NRG3: variants seen among roughly 807,000 people sequenced by gnomAD.
NRG3 encodes the protein neuregulin 3.
A neutral mutation model predicts 66.9 loss-of-function variants in NRG3; 31 were observed. That is an observed-to-expected ratio of 0.46 (90% CI 0.35 to 0.63). The LOEUF (loss-of-function observed/expected upper bound fraction) is 0.63. NRG3 is among the 20% of genes least tolerant of loss of function. The pLI, the probability that NRG3 is intolerant of heterozygous loss-of-function variation, is 0.00. For missense variants in NRG3, 910 were observed against 878.9 expected, an observed-to-expected ratio of 1.04 and a Z score of -0.45; for synonymous variants, 393 against 359.4, an observed-to-expected ratio of 1.09 and a Z score of -1.06.
intron 2 of NRG3, among the ~76,000 whole-genome samples, chr10:82,654,308 A>G (rs1451509014): frequency 6.6e-6 from 1 of 152,184 alleles, no homozygotes; most frequent in Non-Finnish European, 1.5e-5. Context: ...TTTTAAAATA[A>G]AGAGGGTTGT....
chr10:82,417,950 A>C (rs1436012342), intron 2 of NRG3, among the ~76,000 whole-genome samples: 13 of 152,234 alleles, frequency 8.5e-5, no homozygotes. Context: ...GGTAATTCAG[A>C]CTAGAATAGT....
At chr10:81,988,902 A>T (rs2060630091) in intron 1 of NRG3, among the ~76,000 whole-genome samples, 1 of 151,724 alleles carries the variant, frequency 6.6e-6, no homozygotes, top group Non-Finnish European at 1.5e-5. Context: ...GAAAAGAAAA[A>T]CCTTTGTTGA....
chr10:81,900,376 T>G (rs1311092736), intron 1 of NRG3, among the ~76,000 whole-genome samples: 2 of 152,230 alleles, frequency 1.3e-5, no homozygotes, highest in African/African-American at 4.8e-5. Flanking sequence ...TCATTTGGTA[T>G]TCATACAAAT....
intron 3 of NRG3, 146 bp downstream of exon 3, chr10:82,738,796 T>C (rs576744606): frequency 1.4e-6 from 1 of 709,258 alleles, no homozygotes; most frequent in East Asian, 2.7e-5. Flanking sequence ...GATGTTGATG[T>C]TCAAAGCATC....
At chr10:82,953,601 G>A (rs1227469204) in intron 5 of NRG3, among the ~76,000 whole-genome samples, 1 of 151,950 alleles carries the variant, frequency 6.6e-6, no homozygotes, top group South Asian at 2.1e-4. Flanking sequence ...ATTATATCGT[G>A]TCTCTTAGCC....
intron 1 of NRG3, among the ~76,000 whole-genome samples, chr10:81,901,115 G>A (rs1184301905): frequency 6.6e-6 from 1 of 152,196 alleles, no homozygotes; most frequent in African/African-American, 2.4e-5. Flanking sequence ...GAGAAAGACA[G>A]GGGCAGGGAA....
At chr10:82,839,073 A>G (rs1437127728) in intron 3 of NRG3, among the ~76,000 whole-genome samples, 2 of 152,130 alleles carry the variant, frequency 1.3e-5, no homozygotes, top group Non-Finnish European at 2.9e-5. Flanking sequence ...CTCCCACAAC[A>G]CGTGAGATTT....
chr10:81,876,039 C>T lies in NRG3; in HGVS notation c.699C>T (p.Ser233=), dbSNP rs1841602485. The T allele has an allele frequency of 6.2e-7, 1 of 1,614,028 alleles. No individual in the cohort carries two copies. Residue 233 remains serine, a synonymous_variant, in exon 1 of 9, where the codon TCC becomes TCT. Coordinates refer to ENST00000372141, the MANE Select transcript of NRG3 (RefSeq NM_001010848.4). ...SWPTAAYATS[S]YLHDSTPSWT... ...CTACTGCGGCATACGCTACCTCCTC[C>T]TACCTTCACGATTCTACTCCCTCCT...
In NRG3 at chr10:82,543,475, A is replaced by T. The variant is rs545995031; in HGVS notation, c.953+184607A>T. ...TATCTGTCCATCTGTCCATGTATCT[A>T]TCCACCAATGTCTTTATCCATCTCC... On this transcript the variant is annotated intron_variant, in intron 2 of 8. Transcript: ENST00000372141. Among the ~76,000 whole-genome samples, 3 of 152,162 alleles carry T rather than the reference A, an allele frequency of 2.0e-5. No individual in the cohort carries two copies. In the East Asian group the frequency reaches 5.8e-4, roughly 29 times the overall value.
At chr10:82,629,866 T>TTCC in intron 2 of NRG3, among the ~76,000 whole-genome samples, 1 of 152,284 alleles carries the variant, frequency 6.6e-6, no homozygotes. Context: ...ATAAAATGAT[T>TTCC]TCCTCAAGAA....
chr10:82,208,968 C>G (rs1176298696), intron 1 of NRG3, among the ~76,000 whole-genome samples: 1 of 152,066 alleles, frequency 6.6e-6, no homozygotes. Flanking sequence ...AATCTCTCTT[C>G]TTACAACTAC....
chr10:81,981,586 A>G (rs904474928), intron 1 of NRG3, among the ~76,000 whole-genome samples: 5 of 152,164 alleles, frequency 3.3e-5, no homozygotes, highest in Admixed American at 3.3e-4. Flanking sequence ...AGCCTGGTCC[A>G]CTGAAGCTAA....
chr10:81,918,868 T>C (rs7917614), intron 1 of NRG3, among the ~76,000 whole-genome samples: 61,606 of 151,180 alleles, frequency 0.41, 14,826 homozygotes, highest in East Asian at 0.81. Flanking sequence ...AATAGAATCA[T>C]TGCAATTTTC....
intron 1 of NRG3, among the ~76,000 whole-genome samples, chr10:82,234,881 A>T (rs972242696): frequency 6.6e-6 from 1 of 152,152 alleles, no homozygotes; most frequent in Non-Finnish European, 1.5e-5. Context: ...TCCACTGATA[A>T]CTTTCTTCCT....
intron 4 of NRG3, among the ~76,000 whole-genome samples, chr10:82,948,495 A>G (rs1592058847): frequency 6.6e-6 from 1 of 152,228 alleles, no homozygotes; most frequent in South Asian, 2.1e-4. Flanking sequence ...AGATTTTAAT[A>G]GCATTGCAAT....
chr10:82,276,279 A>G (rs1389616257), intron 1 of NRG3, among the ~76,000 whole-genome samples: 1 of 151,998 alleles, frequency 6.6e-6, no homozygotes, highest in African/African-American at 2.4e-5. Context: ...CTCTTTTAAA[A>G]TATTCATATA....
At chr10:82,286,315 T>TG (rs1410321414) in intron 1 of NRG3, among the ~76,000 whole-genome samples, 4 of 152,100 alleles carry the variant, frequency 2.6e-5, no homozygotes, top group African/African-American at 9.7e-5. Context: ...CATTTCATGA[T>TG]GGGATGGTGG....
At chr10:82,490,619 T>C (rs1418237420) in intron 2 of NRG3, among the ~76,000 whole-genome samples, 1 of 152,104 alleles carries the variant, frequency 6.6e-6, no homozygotes, top group Admixed American at 6.6e-5. Flanking sequence ...AATTATAGCT[T>C]CAGCTGAGAC....
intron 2 of NRG3, among the ~76,000 whole-genome samples, chr10:82,708,051 T>TA (rs1436652542): frequency 6.6e-6 from 1 of 151,926 alleles, no homozygotes; most frequent in Non-Finnish European, 1.5e-5. Context: ...ATACATAAGA[T>TA]AAAATTACAT....
Sources: allele counts gnomAD v4.1 joint callset (sites outside exome capture counted in the v4.1 genomes callset), GRCh38; gene constraint gnomAD v4.1.1; transcripts MANE v1.5; gene names NCBI Gene and HGNC (gene_info 2026-07-23, HGNC 2026-07-21).